Variants in SLAIN2 observed in about 807,000 individuals in gnomAD.
SLAIN2 encodes the protein SLAIN motif-containing protein 2.
In SLAIN2, 31 loss-of-function variants were observed where a neutral mutation model predicts 56.6. The observed-to-expected ratio is 0.55, with a 90% CI of 0.41 to 0.74. SLAIN2 has a LOEUF of 0.74. SLAIN2 is among the 30% of genes least tolerant of loss of function. The pLI is 0.00. For missense variants in SLAIN2, 777 were observed against 754.2 expected (o/e 1.03, Z -0.35); for synonymous variants, 317 against 284.9 (o/e 1.11, Z -1.13).
At chr4:48,393,444 G>T (rs985697832) in intron 6 of SLAIN2, among the ~76,000 whole-genome samples, 2 of 147,912 alleles carry the variant, frequency 1.4e-5, no homozygotes, top group Non-Finnish European at 3.0e-5. Context: ...TCCCTGTGCT[G>T]CCCAGGCTGA....
Position 48,386,752 on chromosome 4 carries a change from G to A in SLAIN2, c.1360+2968G>A, listed in dbSNP as rs188848586. Among the ~76,000 whole-genome samples the A allele has an allele frequency of 1.1e-4, 17 of 152,158 alleles. No homozygotes were observed. In the East Asian group the frequency reaches 3.3e-3, roughly 29 times the overall value. On this transcript the variant is annotated intron_variant, in intron 6 of 7. Transcript: ENST00000264313. ...ACTTGAAAGGAAGGATAGAATTTGA[G>A]CTTTATCTTTGAAATCGTGAGTGAT...
intron 1 of SLAIN2, among the ~76,000 whole-genome samples, chr4:48,346,326 C>G (rs910639339): frequency 6.6e-6 from 1 of 152,020 alleles, no homozygotes; most frequent in African/African-American, 2.4e-5. Context: ...GATAAAATTT[C>G]TGTTCTTTTC....
chr4:48,342,168 G>T (rs1357235171), intron 1 of SLAIN2, 40 bp downstream of exon 1: 1 of 1,329,906 alleles, frequency 7.5e-7, no homozygotes. Context: ...GCGGGGACGG[G>T]CCCGGGGGCG....
Position 48,424,048 on chromosome 4 carries a change from CAT to C in SLAIN2, c.*1974_*1975del, listed in dbSNP as rs201562934. 4.1e-4 allele frequency: 62 copies of C among 152,146 alleles called. 1 individual carries two copies. In the East Asian group the frequency reaches 6.2e-3, roughly 15 times the overall value. 9.4% of individuals were successfully genotyped at this position (152,146 alleles called of 1,614,324 possible). A position where few individuals can be genotyped will look rare whatever the true frequency, so the allele number is the denominator to read the frequency against. On this transcript the variant is annotated 3_prime_UTR_variant, in exon 8 of 8. Coordinates refer to ENST00000264313, the MANE Select transcript of SLAIN2 (RefSeq NM_020846.2). ...AAAAGGAATTTTACCTATTATGAAA[CAT>C]ATTACATTTTTTAAGTTAGATAATC... is the stretch of plus-strand genomic sequence containing the variant.
At chr4:48,394,705 A>G in intron 6 of SLAIN2, 1 of 1,460,508 alleles carries the variant, frequency 6.8e-7, no homozygotes, top group East Asian at 2.5e-5. Flanking sequence ...ATCTAGTTAA[A>G]TCTTAAGCCA....
intron 6 of SLAIN2, among the ~76,000 whole-genome samples, chr4:48,403,720 T>G (rs145803363): frequency 0.015 from 2,323 of 152,332 alleles, 43 homozygotes; most frequent in African/African-American, 0.052. Context: ...CACTGCTGCC[T>G]GGTTCCTTGG....
intron 6 of SLAIN2, among the ~76,000 whole-genome samples, chr4:48,412,651 T>A (rs148745209): frequency 2.0e-5 from 3 of 152,350 alleles, no homozygotes; most frequent in Non-Finnish European, 4.4e-5. Context: ...TATCTTTTTG[T>A]ATTTATGGAA....
intron 6 of SLAIN2, among the ~76,000 whole-genome samples, chr4:48,403,983 C>A (rs1183519010): frequency 6.6e-6 from 1 of 152,174 alleles, no homozygotes; most frequent in Admixed American, 6.5e-5. Flanking sequence ...TGCACAATCA[C>A]TCACCACCTT....
intron 2 of SLAIN2, among the ~76,000 whole-genome samples, chr4:48,370,894 T>G (rs1715645268): frequency 6.6e-6 from 1 of 152,204 alleles, no homozygotes; most frequent in South Asian, 2.1e-4. Flanking sequence ...GGTTAGAGTT[T>G]AAGCTGAAAA....
chr4:48,381,115 A>G (rs1274146310), intron 4 of SLAIN2, among the ~76,000 whole-genome samples: 1 of 152,018 alleles, frequency 6.6e-6, no homozygotes, highest in African/African-American at 2.4e-5. Context: ...ATGCTGCCTA[A>G]CTCTGTACTT....
chr4:48,420,292 G>A lies in SLAIN2; in HGVS notation c.1528G>A (p.Val510Ile). The A allele has an allele frequency of 6.2e-7, 1 of 1,613,940 alleles. No homozygotes were observed. The highest frequency in any genetic ancestry group is 1.1e-5 in the South Asian group (1 of 91,080). Residue 510 changes from valine to isoleucine, a missense_variant, in exon 7 of 8, where the codon GTC becomes ATC. Val to Ile is a conservative substitution (Grantham distance 29). Coordinates refer to ENST00000264313, the MANE Select transcript of SLAIN2 (RefSeq NM_020846.2). ...TGGGCCTCCTATGGTTCAGAGCACA[G>A]TCTCAGCAAATCCTCCCAGCAATAT... ...SPGPPMVQST[V>I]SANPPSNINS...
chr4:48,349,061 CT>C (rs1163843840), intron 1 of SLAIN2, among the ~76,000 whole-genome samples: 2 of 152,178 alleles, frequency 1.3e-5, no homozygotes, highest in Non-Finnish European at 2.9e-5. Flanking sequence ...CAAAATTTTA[CT>C]TATTCTTCAG....
In SLAIN2 at chr4:48,341,924, C is replaced by A; in HGVS notation, c.185C>A (p.Ala62Glu). The change falls in exon 1 of 8, where the codon GCG becomes GAG. Residue 62 changes from alanine to glutamate, a missense_variant. Coordinates refer to ENST00000264313, the MANE Select transcript of SLAIN2 (RefSeq NM_020846.2). Reference sequence around the variant, plus strand: ...GCGTCCATTCCCTCCTCCGGCGCGGCGTCTCCTCGGGGCTTCCCCTTGGGC... The same window carrying A: ...GCGTCCATTCCCTCCTCCGGCGCGGAGTCTCCTCGGGGCTTCCCCTTGGGC... Reference protein sequence around the residue: ...AGASIPSSGAASPRGFPLGLS... With the variant: ...AGASIPSSGAESPRGFPLGLS... 6.6e-7 allele frequency: 1 copy of A among 1,504,968 alleles called. No homozygotes were observed. Among genetic ancestry groups the A allele is most frequent in the Non-Finnish European group, 8.9e-7 (1 of 1,128,728 alleles). The allele number at this position is 1,504,968 out of a possible 1,614,324, so 93.2% of individuals were successfully genotyped here. A position where few individuals can be genotyped will look rare whatever the true frequency, so the allele number is the denominator to read the frequency against.
intron 6 of SLAIN2, among the ~76,000 whole-genome samples, chr4:48,413,529 C>T (rs1283086902): frequency 6.6e-6 from 1 of 152,054 alleles, no homozygotes; most frequent in Non-Finnish European, 1.5e-5. Flanking sequence ...TTTTTAAATA[C>T]TTGTGTCAGT....
intron 6 of SLAIN2, among the ~76,000 whole-genome samples, chr4:48,396,604 C>T (rs1360353567): frequency 6.6e-6 from 1 of 152,094 alleles, no homozygotes; most frequent in Non-Finnish European, 1.5e-5. Context: ...GGTTGTGAGG[C>T]ACACAGGAGA....
chr4:48,375,087 G>A (rs897897412), intron 2 of SLAIN2, among the ~76,000 whole-genome samples: 1 of 152,198 alleles, frequency 6.6e-6, no homozygotes, highest in African/African-American at 2.4e-5. Flanking sequence ...GTATGATTGA[G>A]ATTCCTTAGG....
At chr4:48,344,862 A>T (rs1197938801) in intron 1 of SLAIN2, among the ~76,000 whole-genome samples, 1 of 152,176 alleles carries the variant, frequency 6.6e-6, no homozygotes, top group Non-Finnish European at 1.5e-5. Context: ...TTAAAAAAAA[A>T]TGCTGGTTAC....
chr4:48,372,065 C>T (rs979495871), intron 2 of SLAIN2, among the ~76,000 whole-genome samples: 4 of 150,722 alleles, frequency 2.7e-5, no homozygotes, highest in African/African-American at 9.8e-5. Context: ...TATATATATA[C>T]ACACACACAC....
In SLAIN2 at chr4:48,425,013, A is replaced by G. The variant is rs1339551582; in HGVS notation, c.*2936A>G. On this transcript the variant is annotated 3_prime_UTR_variant, in exon 8 of 8. Transcript: ENST00000264313. ...CAGCCTGACCATAATGTTTATTATT[A>G]AATTTATATTCTTTAAGTGTTTAAT... 6.6e-6 allele frequency: 1 copy of G among 152,084 alleles called. No homozygotes were observed. The highest frequency in any genetic ancestry group is 2.4e-5 in the African/African-American group (1 of 41,430). 9.4% of individuals were successfully genotyped at this position (152,084 alleles called of 1,614,324 possible). A position where few individuals can be genotyped will look rare whatever the true frequency, so the allele number is the denominator to read the frequency against.
Sources: allele counts gnomAD v4.1 joint callset (sites outside exome capture counted in the v4.1 genomes callset), GRCh38; gene constraint gnomAD v4.1.1; transcripts MANE v1.5; gene names NCBI Gene and HGNC (gene_info 2026-07-23, HGNC 2026-07-21).